The following TRABD2B variants were observed in gnomAD, a reference collection of about 807,000 sequenced individuals.
TRABD2B encodes the protein metalloprotease TIKI2.
TRABD2B carries 14 observed loss-of-function variants against 40.1 expected under a neutral mutation model. That is an observed-to-expected ratio of 0.35 (90% CI 0.23 to 0.55). The LOEUF (loss-of-function observed/expected upper bound fraction) is 0.55, where lower values mean the gene tolerates loss of function less well. Ranked by LOEUF, TRABD2B falls within the 20% of genes least tolerant of loss-of-function variation. The pLI is 0.90. For missense variants in TRABD2B, 541 were observed against 648.6 expected (o/e 0.83, Z 1.80); for synonymous variants, 263 against 277.0 (o/e 0.95, Z 0.50).
intron 6 of TRABD2B, among the ~76,000 whole-genome samples, chr1:47,768,801 T>A (rs532808624): frequency 7.2e-4 from 110 of 152,370 alleles, no homozygotes; most frequent in African/African-American, 2.5e-3. Context: ...CTTCCACTTA[T>A]AGAGCACTTA....
chr1:47,938,557 G>A (rs1410570967), intron 2 of TRABD2B, among the ~76,000 whole-genome samples: 6 of 152,174 alleles, frequency 3.9e-5, no homozygotes, highest in African/African-American at 1.4e-4. Flanking sequence ...CCTCTGCTTT[G>A]AGAATAGTGC....
chr1:47,952,975 GA>G (rs1645367163), intron 2 of TRABD2B, among the ~76,000 whole-genome samples: 1 of 152,182 alleles, frequency 6.6e-6, no homozygotes, highest in East Asian at 1.9e-4. Context: ...TGCTGTGACA[GA>G]AAAGGGACTC....
intron 2 of TRABD2B, among the ~76,000 whole-genome samples, chr1:47,839,636 AG>A (rs1645368269): frequency 6.6e-6 from 1 of 152,304 alleles, no homozygotes; most frequent in South Asian, 2.1e-4. Flanking sequence ...GAATGAACTG[AG>A]GCTGTTCAAA....
chr1:47,967,237 C>T (rs1460989361), intron 2 of TRABD2B, among the ~76,000 whole-genome samples: 1 of 152,076 alleles, frequency 6.6e-6, no homozygotes, highest in African/African-American at 2.4e-5. Context: ...ATAAAAAACA[C>T]ATTAGATCCT....
At chr1:47,963,458 G>C (rs1283156938) in intron 2 of TRABD2B, among the ~76,000 whole-genome samples, 1 of 152,190 alleles carries the variant, frequency 6.6e-6, no homozygotes, top group Non-Finnish European at 1.5e-5. Flanking sequence ...AGGAGAAAAA[G>C]AGCAGGCCCT....
intron 2 of TRABD2B, among the ~76,000 whole-genome samples, chr1:47,977,091 G>A (rs1259317468): frequency 2.7e-5 from 4 of 146,932 alleles, no homozygotes; most frequent in African/African-American, 1.0e-4. Context: ...TTTTTCCCGC[G>A]AGACAGAGTC....
intron 2 of TRABD2B, among the ~76,000 whole-genome samples, chr1:47,839,845 C>A (rs940585103): frequency 1.3e-5 from 2 of 152,210 alleles, no homozygotes; most frequent in African/African-American, 4.8e-5. Context: ...AGCAGAACCC[C>A]TGGCTACCTG....
intron 2 of TRABD2B, among the ~76,000 whole-genome samples, chr1:47,811,579 A>G (rs1307673170): frequency 6.6e-6 from 1 of 152,154 alleles, no homozygotes. Context: ...CCACATGATG[A>G]GATTAGCATT....
At chr1:47,915,845 C>T (rs1376267173) in intron 2 of TRABD2B, among the ~76,000 whole-genome samples, 2 of 152,172 alleles carry the variant, frequency 1.3e-5, no homozygotes, top group South Asian at 2.1e-4. Context: ...TAAGCCCTGT[C>T]GTGCCCCCAC....
chr1:47,954,724 G>A (rs1645393993), intron 2 of TRABD2B, among the ~76,000 whole-genome samples: 1 of 152,160 alleles, frequency 6.6e-6, no homozygotes, highest in Non-Finnish European at 1.5e-5. Context: ...GCTGGACGAA[G>A]TTGCAGAAGC....
chr1:47,953,334 T>C (rs186589271), intron 2 of TRABD2B, among the ~76,000 whole-genome samples: 1 of 152,288 alleles, frequency 6.6e-6, no homozygotes, highest in African/African-American at 2.4e-5. Context: ...CCTTAGAGCT[T>C]GGAGAGACGC....
chr1:47,800,549 T>C (rs189484855), intron 3 of TRABD2B, among the ~76,000 whole-genome samples: 1 of 152,318 alleles, frequency 6.6e-6, no homozygotes, highest in African/African-American at 2.4e-5. Context: ...TGCAGGCCAC[T>C]GTAGAGACTC....
At chr1:47,767,723 C>T (rs1644323820) in intron 6 of TRABD2B, among the ~76,000 whole-genome samples, 1 of 152,222 alleles carries the variant, frequency 6.6e-6, no homozygotes, top group African/African-American at 2.4e-5. Context: ...AGAAACAGGG[C>T]AGGGCAGGCT....
intron 2 of TRABD2B, among the ~76,000 whole-genome samples, chr1:47,865,119 C>A (rs1398111138): frequency 2.6e-5 from 4 of 152,104 alleles, no homozygotes; most frequent in Non-Finnish European, 5.9e-5. Context: ...TGGGTCCTCC[C>A]CAAGAACTGG....
chr1:47,822,807 G>T (rs1243612523), intron 2 of TRABD2B, among the ~76,000 whole-genome samples: 1 of 152,194 alleles, frequency 6.6e-6, no homozygotes, highest in Non-Finnish European at 1.5e-5. Flanking sequence ...GCAGCTGAGG[G>T]TCAGGACACG....
chr1:47,943,757 AACACACAC>A (rs10554684), intron 2 of TRABD2B, among the ~76,000 whole-genome samples: 10,507 of 146,708 alleles, frequency 0.072, 611 homozygotes, highest in African/African-American at 0.15. Context: ...GCATCCAGAA[AACACACAC>A]ACACACACAC....
chr1:47,841,634 G>C (rs1285697350), intron 2 of TRABD2B, among the ~76,000 whole-genome samples: 1 of 152,158 alleles, frequency 6.6e-6, no homozygotes, highest in Non-Finnish European at 1.5e-5. Flanking sequence ...AGAGAAGCCA[G>C]GGGAGGCACA....
chr1:47,806,477 C>A, intron 2 of TRABD2B, among the ~76,000 whole-genome samples: 1 of 152,118 alleles, frequency 6.6e-6, no homozygotes, highest in East Asian at 1.9e-4. Flanking sequence ...GCCTCGGTGG[C>A]CCACTCTAGG....
Position 47,833,279 on chromosome 1 carries a change from T to C in TRABD2B, c.667-31660A>G, listed in dbSNP as rs181412731. ...ATTTACCTGACCCTGGGCTCTTAGGTAGCAGGGGAAAGGACATGTTACAGG... is the reference window on the plus strand; with the variant it reads ...ATTTACCTGACCCTGGGCTCTTAGGCAGCAGGGGAAAGGACATGTTACAGG... On this transcript the variant is annotated intron_variant, in intron 2 of 6. Transcript: ENST00000606738. 1.9e-3 allele frequency among the ~76,000 whole-genome samples: 283 copies of C among 152,228 alleles called. 2 individuals carry two copies. The highest frequency in any genetic ancestry group is 6.1e-3 in the African/African-American group (255 of 41,540).
Sources: allele counts gnomAD v4.1 joint callset (sites outside exome capture counted in the v4.1 genomes callset), GRCh38; gene constraint gnomAD v4.1.1; transcripts MANE v1.5; gene names NCBI Gene and HGNC (gene_info 2026-07-23, HGNC 2026-07-21).